Variants in RIMS3 observed in about 807,000 individuals in gnomAD.
RIMS3 encodes regulating synaptic membrane exocytosis 3.
A neutral mutation model predicts 29.2 loss-of-function variants in RIMS3; 15 were observed. That is an observed-to-expected ratio of 0.51 (90% CI 0.34 to 0.79). The LOEUF is 0.79. Ranked by LOEUF, RIMS3 falls within the 30% of genes least tolerant of loss-of-function variation. The pLI, the probability that RIMS3 is intolerant of heterozygous loss-of-function variation, is 0.01. For missense variants in RIMS3, 342 were observed against 421.4 expected (o/e 0.81, Z 1.65); for synonymous variants, 161 against 170.1 (o/e 0.95, Z 0.41).
intron 1 of RIMS3, among the ~76,000 whole-genome samples, chr1:40,655,337 G>A (rs1419438996): frequency 6.6e-6 from 1 of 152,012 alleles, no homozygotes; most frequent in Non-Finnish European, 1.5e-5. Flanking sequence ...GAACTGTAGG[G>A]TATGCAGCCC....
At position 40,636,844 on chromosome 1, in the gene RIMS3, A is replaced by G. The variant is rs1034139711; in HGVS notation, c.218-787T>C. On this transcript the variant is annotated intron_variant, in intron 3 of 7. Transcript: ENST00000372684. This position sits in a 1 kb window ranked among gnomAD's most constrained non-coding sequence, Gnocchi z 4.2. ...CTCAGCCTTGCAGGGAACATGGGACACTTTCCCTCTCCCAGCAGCACACCA... is the reference window on the plus strand; with the variant it reads ...CTCAGCCTTGCAGGGAACATGGGACGCTTTCCCTCTCCCAGCAGCACACCA... 5.9e-5 allele frequency among the ~76,000 whole-genome samples: 9 copies of G among 152,126 alleles called. No homozygotes were observed. The highest frequency in any genetic ancestry group is 2.2e-4 in the African/African-American group (9 of 41,430).
At chr1:40,655,779 C>G (rs1642264922) in intron 1 of RIMS3, among the ~76,000 whole-genome samples, 1 of 152,112 alleles carries the variant, frequency 6.6e-6, no homozygotes, top group South Asian at 2.1e-4. Flanking sequence ...CTCAGGCAGG[C>G]AGATCACTTG....
chr1:40,691,065 G>GA, the RIMS3 span: 9 of 152,236 alleles, frequency 5.9e-5, no homozygotes, highest in African/African-American at 1.9e-4. Context: ...TCACGGAAAT[G>GA]AAAGAGATAA....
At chr1:40,677,654 C>T in the RIMS3 span, among the ~76,000 whole-genome samples, 1 of 152,024 alleles carries the variant, frequency 6.6e-6, no homozygotes, top group African/African-American at 2.4e-5. Context: ...GCTGAGATCA[C>T]ACCACTGCAC....
chr1:40,670,609 T>TATATA (rs55692608), upstream of RIMS3, among the ~76,000 whole-genome samples: 28 of 135,726 alleles, frequency 2.1e-4, no homozygotes, highest in South Asian at 9.3e-4. Context: ...TATATATATA[T>TATATA]TTGAGATGGA....
Position 40,647,756 on chromosome 1 carries a change from T to C in RIMS3, c.-120A>G, listed in dbSNP as rs539029661. On this transcript the variant is annotated 5_prime_UTR_variant, in exon 2 of 8. Transcript: ENST00000372684. ...CTAGGGCATTTGCACAAGGCTTCAA[T>C]TGACTTCTGCCAAAACACCAATTTT... 6.6e-6 allele frequency: 1 copy of C among 152,244 alleles called. No individual in the cohort carries two copies. Among genetic ancestry groups the C allele is most frequent in the South Asian group, 2.1e-4 (1 of 4,820 alleles). 9.4% of individuals were successfully genotyped at this position (152,244 alleles called of 1,614,324 possible).
At chr1:40,643,476 CTCT>C (rs1471722751) in intron 2 of RIMS3, among the ~76,000 whole-genome samples, 1 of 79,040 alleles carries the variant, frequency 1.3e-5, no homozygotes, top group Non-Finnish European at 2.7e-5. Flanking sequence ...ACATCTTTCT[CTCT>C]TTTTTTTTTT....
At chr1:40,661,064 T>A (rs1332560310) in intron 1 of RIMS3, among the ~76,000 whole-genome samples, 1 of 151,936 alleles carries the variant, frequency 6.6e-6, no homozygotes, top group Admixed American at 6.6e-5. Flanking sequence ...AGGTGGTCGC[T>A]CCTCCTAGGT....
Position 40,629,369 on chromosome 1 carries a change from T to C in RIMS3, c.476A>G (p.Asp159Gly), listed in dbSNP as rs1461061582. Residue 159 changes from aspartate to glycine, a missense_variant, in exon 6 of 8, where the codon GAT (aspartate) becomes GGT (glycine). Asp to Gly is a moderately conservative substitution (Grantham distance 94). Transcript: ENST00000372684. ...CCGGTCCATGATGGCAATGTGCACA[T>C]CTCCTGAAAGGAAGAAGAGGGTGAG... ...RQTLATPPMG[D>G]VHIAIMDRSG... The C allele has an allele frequency of 6.2e-7, 1 of 1,612,194 alleles. No homozygotes were observed. The highest frequency in any genetic ancestry group is 2.2e-5 in the East Asian group (1 of 44,834).
Position 40,628,940 on chromosome 1 carries a change from A to C in RIMS3, c.584T>G (p.Ile195Ser). The change falls in exon 7 of 8, where the codon ATC becomes AGC. Residue 195 changes from isoleucine (I) to serine (S), a missense_variant. Physicochemically the swap from Ile to Ser is moderately radical, Grantham distance 142. Coordinates refer to ENST00000372684, the MANE Select transcript of RIMS3 (RefSeq NM_014747.3). ...PGSKSLPATY[I>S]KVYLLENGAC... ...CCCATTCTCCAGCAGGTAAACCTTGATATAGGTGGCTAAGGGAGGAGAGAA... is the reference window on the plus strand; with the variant it reads ...CCCATTCTCCAGCAGGTAAACCTTGCTATAGGTGGCTAAGGGAGGAGAGAA... The C allele has an allele frequency of 6.2e-7, 1 of 1,613,212 alleles. No individual in the cohort carries two copies. The highest frequency in any genetic ancestry group is 8.5e-7 in the Non-Finnish European group (1 of 1,179,992).
At chr1:40,677,152 C>T in the RIMS3 span, among the ~76,000 whole-genome samples, 3 of 151,886 alleles carry the variant, frequency 2.0e-5, no homozygotes, top group Admixed American at 2.0e-4. Flanking sequence ...GTGTGCACCA[C>T]CATGCCCAGC....
chr1:40,663,037 C>T (rs944944284), intron 1 of RIMS3, among the ~76,000 whole-genome samples: 3 of 152,166 alleles, frequency 2.0e-5, no homozygotes, highest in African/African-American at 7.2e-5. Flanking sequence ...TCAGTTCACA[C>T]ACACCCCAGC....
chr1:40,682,741 C>CTTTTTTTTTTTTCTTTTTTT, the RIMS3 span, among the ~76,000 whole-genome samples: 1 of 77,514 alleles, frequency 1.3e-5, no homozygotes, highest in African/African-American at 5.5e-5. Context: ...CTTTGCAGAT[C>CTTTTTTTTTTTTCTTTTTTT]TTTTTTTTTT....
Position 40,624,579 on chromosome 1 carries a change from T to C in RIMS3, c.*1938A>G, listed in dbSNP as rs1570165396. ...ATAAGAATAGAGGCTCAGGCAGAGA[T>C]AGGAGCCTGGGAGCTAACTCCGTTC... On this transcript the variant is annotated 3_prime_UTR_variant, in exon 8 of 8. Transcript: ENST00000372684. 1 of 152,210 alleles carries C rather than the reference T, an allele frequency of 6.6e-6. No individual in the cohort carries two copies. Among genetic ancestry groups the C allele is most frequent in the Non-Finnish European group, 1.5e-5 (1 of 68,040 alleles). 9.4% of individuals were successfully genotyped at this position (152,210 alleles called of 1,614,324 possible).
the RIMS3 span, chr1:40,691,736 C>T: frequency 2.4e-5 from 11 of 455,556 alleles, no homozygotes; most frequent in Non-Finnish European, 4.4e-5. Context: ...TGCTTGTGCC[C>T]CCGCTTCGCG....
intron 2 of RIMS3, among the ~76,000 whole-genome samples, chr1:40,646,602 T>C (rs1646597475): frequency 6.6e-6 from 1 of 152,088 alleles, no homozygotes; most frequent in Admixed American, 6.6e-5. Context: ...CTCCCAGCTA[T>C]TGCCACAGCA....
chr1:40,675,739 CAA>C, the RIMS3 span, among the ~76,000 whole-genome samples: 15 of 103,550 alleles, frequency 1.4e-4, no homozygotes, highest in Non-Finnish European at 2.4e-4. Flanking sequence ...GCCTGGGAAA[CAA>C]GAGTGAAACT....
intron 4 of RIMS3, among the ~76,000 whole-genome samples, chr1:40,634,102 CCCTGCCAACCCTCAG>C (rs1391114436): frequency 6.6e-6 from 1 of 152,046 alleles, no homozygotes; most frequent in East Asian, 1.9e-4. Flanking sequence ...GGAGGGTTGG[CCCTGCCAACCCTCAG>C]GGGCTATGAT....
intron 1 of RIMS3, among the ~76,000 whole-genome samples, chr1:40,656,088 G>A (rs759674241): frequency 3.9e-5 from 6 of 152,090 alleles, no homozygotes; most frequent in Non-Finnish European, 8.8e-5. Context: ...TGACACTCTG[G>A]CTAGGGGCAG....
Sources: allele counts gnomAD v4.1 joint callset (sites outside exome capture counted in the v4.1 genomes callset), GRCh38; gene constraint gnomAD v4.1.1; non-coding constraint Gnocchi (gnomAD v3.1); transcripts MANE v1.5; gene names NCBI Gene and HGNC (gene_info 2026-07-23, HGNC 2026-07-21).